The following RABGAP1L variants were observed in gnomAD, a reference collection of about 807,000 sequenced individuals.
The protein encoded by RABGAP1L is rab GTPase-activating protein 1-like.
In RABGAP1L, 63 loss-of-function variants were observed where a neutral mutation model predicts 137.7. That is an observed-to-expected ratio of 0.46 (90% CI 0.37 to 0.56). The LOEUF (loss-of-function observed/expected upper bound fraction) is 0.56, where lower values mean the gene tolerates loss of function less well. RABGAP1L is among the 20% of genes least tolerant of loss of function. RABGAP1L has a pLI of 0.00. For missense variants in RABGAP1L, 1,095 were observed against 1,244.0 expected, an observed-to-expected ratio of 0.88 and a Z score of 1.80; for synonymous variants, 431 against 433.7, an observed-to-expected ratio of 0.99 and a Z score of 0.08.
chr1:174,464,437 A>G (rs1383763551), intron 13 of RABGAP1L, among the ~76,000 whole-genome samples: 1 of 152,180 alleles, frequency 6.6e-6, no homozygotes, highest in African/African-American at 2.4e-5. Flanking sequence ...CCAGGAGCAT[A>G]TACTATGCTG....
At chr1:174,611,455 G>A (rs1225967242) in intron 13 of RABGAP1L, among the ~76,000 whole-genome samples, 2 of 150,624 alleles carry the variant, frequency 1.3e-5, no homozygotes, top group East Asian at 3.9e-4. Flanking sequence ...TTTGGTTACT[G>A]TAGCCTTGTA....
At chr1:174,848,924 C>A (rs372879621) in intron 19 of RABGAP1L, among the ~76,000 whole-genome samples, 136 of 151,164 alleles carry the variant, frequency 9.0e-4, no homozygotes, top group African/African-American at 3.0e-3. Context: ...GGGATATAGT[C>A]TCGTGGTGCG....
intron 13 of RABGAP1L, among the ~76,000 whole-genome samples, chr1:174,564,921 C>T (rs1263746046): frequency 1.3e-5 from 2 of 150,776 alleles, no homozygotes; most frequent in African/African-American, 2.5e-5. Flanking sequence ...AATACAACTC[C>T]CCCCTGCCCG....
intron 13 of RABGAP1L, among the ~76,000 whole-genome samples, chr1:174,636,304 G>T (rs908153938): frequency 6.6e-6 from 1 of 151,998 alleles, no homozygotes; most frequent in South Asian, 2.1e-4. Context: ...GAATCACGAG[G>T]TCAGGAGTTT....
At chr1:174,644,067 GT>G (rs990112064) in intron 14 of RABGAP1L, among the ~76,000 whole-genome samples, 1 of 151,650 alleles carries the variant, frequency 6.6e-6, no homozygotes, top group Non-Finnish European at 1.5e-5. Context: ...TATTTTGGGG[GT>G]TTTTTTGGTC....
intron 11 of RABGAP1L, among the ~76,000 whole-genome samples, chr1:174,338,254 T>C (rs1230259914): frequency 3.3e-5 from 5 of 152,222 alleles, no homozygotes; most frequent in African/African-American, 2.4e-5. Context: ...TTATAGTCTG[T>C]TAAGGTTTAA....
At chr1:174,707,752 T>G (rs1213676249) in intron 17 of RABGAP1L, among the ~76,000 whole-genome samples, 4 of 152,236 alleles carry the variant, frequency 2.6e-5, no homozygotes, top group African/African-American at 9.6e-5. Flanking sequence ...CTTCTTAATT[T>G]CTTCAATTAT....
intron 19 of RABGAP1L, among the ~76,000 whole-genome samples, chr1:174,844,744 T>C (rs1395809665): frequency 1.2e-5 from 1 of 84,798 alleles, no homozygotes; most frequent in Admixed American, 1.4e-4. Context: ...TAAAGTAGTT[T>C]TTTCCAATTC....
At chr1:174,633,506 C>T (rs1366276921) in intron 13 of RABGAP1L, among the ~76,000 whole-genome samples, 1 of 151,106 alleles carries the variant, frequency 6.6e-6, no homozygotes, top group African/African-American at 2.4e-5. Flanking sequence ...CTACCAATGA[C>T]TTTCTTCACA....
intron 18 of RABGAP1L, among the ~76,000 whole-genome samples, chr1:174,790,988 C>T (rs570166706): frequency 9.2e-5 from 14 of 151,874 alleles, no homozygotes; most frequent in South Asian, 4.2e-4. Flanking sequence ...GTCAGGAGTT[C>T]GAGACCAGCC....
chr1:174,937,640 C>A (rs1483122663), intron 19 of RABGAP1L, among the ~76,000 whole-genome samples: 1 of 82,806 alleles, frequency 1.2e-5, no homozygotes, highest in Non-Finnish European at 2.2e-5. Context: ...ATATATCTTG[C>A]AGTTAGAAAC....
chr1:174,249,712 G>A (rs1672565062), intron 5 of RABGAP1L, among the ~76,000 whole-genome samples: 1 of 150,300 alleles, frequency 6.7e-6, no homozygotes, highest in Admixed American at 6.7e-5. Flanking sequence ...GTGGTGCAAT[G>A]GCTCACTGCA....
At chr1:174,480,859 T>C (rs1212621242) in intron 13 of RABGAP1L, among the ~76,000 whole-genome samples, 1 of 152,216 alleles carries the variant, frequency 6.6e-6, no homozygotes, top group African/African-American at 2.4e-5. Flanking sequence ...GGTGCCTTTC[T>C]GTTGTGAATT....
rs764305230 is a variant in RABGAP1L at position 174,254,800 on chromosome 1, G to A, written c.986+2210G>A. Among the ~76,000 whole-genome samples the A allele has an allele frequency of 1.1e-4, 17 of 152,196 alleles. 1 individual carries two copies. The highest frequency in any genetic ancestry group is 3.9e-4 in the African/African-American group (16 of 41,450). The stretch of plus-strand genomic sequence containing the variant: ...GTGAATAGTGCTGCAGTAAACATAC[G>A]TGTACATGGGTCTTTATAGTAGAAT... On this transcript the variant is annotated intron_variant, in intron 7 of 25. Coordinates refer to ENST00000681986, the MANE Select transcript of RABGAP1L (RefSeq NM_001366446.1).
intron 15 of RABGAP1L, among the ~76,000 whole-genome samples, chr1:174,695,249 C>T (rs1368334499): frequency 6.6e-6 from 1 of 152,014 alleles, no homozygotes; most frequent in African/African-American, 2.4e-5. Flanking sequence ...TGGATTTGCC[C>T]TTTTGAGGCT....
chr1:174,620,844 G>A (rs149794680), intron 13 of RABGAP1L, among the ~76,000 whole-genome samples: 3,255 of 152,174 alleles, frequency 0.021, 122 homozygotes, highest in African/African-American at 0.075. Context: ...ATGAATACAG[G>A]AGCTGGTTTT....
At chr1:174,165,563 A>G (rs1035791295) in intron 1 of RABGAP1L, among the ~76,000 whole-genome samples, 1 of 151,410 alleles carries the variant, frequency 6.6e-6, no homozygotes, top group Non-Finnish European at 1.5e-5. Flanking sequence ...CTGTGGTGCC[A>G]TCACAGCTCA....
chr1:174,628,905 A>G (rs1257333881), intron 13 of RABGAP1L, among the ~76,000 whole-genome samples: 1 of 152,174 alleles, frequency 6.6e-6, no homozygotes, highest in Non-Finnish European at 1.5e-5. Context: ...TGGTTGTGCT[A>G]TAAAATGTTT....
chr1:174,565,346 C>T (rs75421993), intron 13 of RABGAP1L, among the ~76,000 whole-genome samples: 3,195 of 152,270 alleles, frequency 0.021, 116 homozygotes, highest in African/African-American at 0.074. Flanking sequence ...CGTGGCTGTA[C>T]ATTGACATAC....
Sources: allele counts gnomAD v4.1 joint callset (sites outside exome capture counted in the v4.1 genomes callset), GRCh38; gene constraint gnomAD v4.1.1; transcripts MANE v1.5; gene names NCBI Gene and HGNC (gene_info 2026-07-23, HGNC 2026-07-21).